Variants in TNIP1 observed in about 807,000 individuals in gnomAD.
The protein encoded by TNIP1 is TNFAIP3-interacting protein 1.
Under a neutral mutation model 86.6 loss-of-function variants are expected in TNIP1, and 22 were observed. The ratio of observed to expected loss-of-function variants is 0.25; its 90% confidence interval spans 0.18 to 0.36. The LOEUF (loss-of-function observed/expected upper bound fraction) is 0.36. Ranked by LOEUF, TNIP1 falls within the 10% of genes least tolerant of loss-of-function variation. The probability of loss-of-function intolerance (pLI) is 1.00; values close to 1 mark genes in which losing one functional copy is unlikely to be tolerated. For synonymous variants in TNIP1, 294 were observed against 313.0 expected, an observed-to-expected ratio of 0.94 and a Z score of 0.64; for missense variants, 709 against 820.6, an observed-to-expected ratio of 0.86 and a Z score of 1.66.
In TNIP1 at chr5:151,042,970, A is replaced by G. The variant is rs1007525437; in HGVS notation, c.937-9T>C. 1 of 1,614,114 alleles carries G rather than the reference A, an allele frequency of 6.2e-7. No homozygotes were observed. The highest frequency in any genetic ancestry group is 8.5e-7 in the Non-Finnish European group (1 of 1,179,986). ...TTGTTCACTTCCAGCAGCTGTGGGG[A>G]GAGACTGGAGTTAGCAGGAGATGAG... is the stretch of plus-strand genomic sequence containing the variant. On this transcript the variant is annotated splice_polypyrimidine_tract_variant and intron_variant, in intron 9 of 17. Coordinates refer to ENST00000521591, the MANE Select transcript of TNIP1 (RefSeq NM_006058.5).
intron 9 of TNIP1, among the ~76,000 whole-genome samples, chr5:151,043,775 T>TA (rs113496459): frequency 0.11 from 15,671 of 141,546 alleles, 1,212 homozygotes; most frequent in African/African-American, 0.23. Context: ...GACCCTATCT[T>TA]AAAAAAAAAA....
chr5:151,046,033 C>A, intron 8 of TNIP1, 83 bp from the exon 9 acceptor site: 1 of 1,356,086 alleles, frequency 7.4e-7, no homozygotes, highest in South Asian at 1.2e-5. Flanking sequence ...TAAGACCCCT[C>A]ACCCAAGTGG....
chr5:151,060,278 G>A, intron 5 of TNIP1, 40 bp downstream of exon 5: 1 of 1,606,874 alleles, frequency 6.2e-7, no homozygotes, highest in South Asian at 1.1e-5. Flanking sequence ...GACACAAAGA[G>A]GGCAGCAGGT....
intron 1 of TNIP1, among the ~76,000 whole-genome samples, chr5:151,079,265 T>A (rs10063243): frequency 0.082 from 12,523 of 152,164 alleles, 1,110 homozygotes; most frequent in African/African-American, 0.22. Context: ...GCGTTGCTAG[T>A]CTTGGGAAAG....
At chr5:151,052,305 T>G in intron 6 of TNIP1, 46 bp from the exon 7 acceptor site, 1 of 1,533,860 alleles carries the variant, frequency 6.5e-7, no homozygotes, top group Non-Finnish European at 8.9e-7. Context: ...GAGGGGCCCC[T>G]CCCAGGTGCA....
At chr5:151,058,067 T>C (rs1404576261) in intron 5 of TNIP1, among the ~76,000 whole-genome samples, 1 of 152,162 alleles carries the variant, frequency 6.6e-6, no homozygotes, top group African/African-American at 2.4e-5. Flanking sequence ...ATTACAGGTG[T>C]GCACCACTAC....
chr5:151,055,541 T>C lies in TNIP1; in HGVS notation c.627+1225A>G, dbSNP rs542673882. On this transcript the variant is annotated intron_variant, in intron 6 of 17. Coordinates refer to ENST00000521591, the MANE Select transcript of TNIP1 (RefSeq NM_006058.5). ...GGGTTCCCTTCTCTCAGCCTGGCTC[T>C]CCAGGCCTCTGCCTCTCGTTCAGCC... 3.9e-5 allele frequency among the ~76,000 whole-genome samples: 6 copies of C among 152,304 alleles called. No homozygotes were observed. In the East Asian group the frequency reaches 7.7e-4, roughly 20 times the overall value.
chr5:151,062,307 G>A (rs750741628), intron 3 of TNIP1, 95 bp from the exon 4 acceptor site: 3 of 1,153,014 alleles, frequency 2.6e-6, no homozygotes, highest in African/African-American at 3.1e-5. Context: ...AGGGTTCTCA[G>A]ACAGGATTCC....
At chr5:151,032,481 A>G (rs1757034752) in intron 16 of TNIP1, 98 bp from the exon 17 acceptor site, 1 of 1,211,736 alleles carries the variant, frequency 8.3e-7, no homozygotes, top group Admixed American at 2.2e-5. Flanking sequence ...TTAGTCAAGT[A>G]TAATTGAATC....
rs1423871136 is a variant in TNIP1, at chr5:151,067,923, A to G, written c.-36-2792T>C. 2.0e-5 allele frequency among the ~76,000 whole-genome samples: 3 copies of G among 152,188 alleles called. No individual in the cohort carries two copies. In the East Asian group the frequency reaches 5.8e-4, roughly 29 times the overall value. On this transcript the variant is annotated intron_variant, in intron 1 of 17. Coordinates refer to ENST00000521591, the MANE Select transcript of TNIP1 (RefSeq NM_006058.5). ...CTCAGAGAGGCCCAGATGTAAGGCGAAGGGACAAAGCAGGATGCAGGATGT... is the reference window on the plus strand; with the variant it reads ...CTCAGAGAGGCCCAGATGTAAGGCGGAGGGACAAAGCAGGATGCAGGATGT...
At chr5:151,042,476 T>C in intron 11 of TNIP1, 64 bp downstream of exon 11, 1 of 1,569,144 alleles carries the variant, frequency 6.4e-7, no homozygotes, top group East Asian at 2.3e-5. Context: ...GCTTGTTTGC[T>C]CCACAGAACT....
At chr5:151,076,110 CA>C (rs1465241776) in intron 1 of TNIP1, among the ~76,000 whole-genome samples, 2 of 152,202 alleles carry the variant, frequency 1.3e-5, no homozygotes, top group Non-Finnish European at 2.9e-5. Context: ...ACCAGTCATC[CA>C]TTCCAATCTG....
Position 151,052,271 on chromosome 5 carries a change from G to A in TNIP1, c.628-12C>T, listed in dbSNP as rs530917186. On this transcript the variant is annotated splice_polypyrimidine_tract_variant and intron_variant, in intron 6 of 17. Transcript: ENST00000521591. ...TGCTCACACAGGGTCTGTGGGGCAG[G>A]GGAACAGACAGGGTGAGGGAAAGGA... 5.0e-6 allele frequency: 8 copies of A among 1,611,048 alleles called. No individual in the cohort carries two copies. The highest frequency in any genetic ancestry group is 6.8e-6 in the Non-Finnish European group (8 of 1,178,298).
chr5:151,065,109 C>G lies in TNIP1; in HGVS notation c.-14G>C. ...TCTCCCTTCCATGAGGGTAGCTCAGCCCCTGCCGTGGTGCCCGCCTGGCTG... is the reference window on the plus strand; with the variant it reads ...TCTCCCTTCCATGAGGGTAGCTCAGGCCCTGCCGTGGTGCCCGCCTGGCTG... On this transcript the variant is annotated 5_prime_UTR_variant, in exon 2 of 18. Coordinates refer to ENST00000521591, the MANE Select transcript of TNIP1 (RefSeq NM_006058.5). 5.0e-6 allele frequency: 8 copies of G among 1,609,900 alleles called. No homozygotes were observed. Among genetic ancestry groups the G allele is most frequent in the Non-Finnish European group, 6.8e-6 (8 of 1,177,926 alleles).
intron 1 of TNIP1, among the ~76,000 whole-genome samples, chr5:151,079,399 G>A (rs1198952036): frequency 4.6e-5 from 7 of 152,158 alleles, no homozygotes; most frequent in African/African-American, 1.2e-4. Context: ...TGAGACGGGC[G>A]GATCACTTGA....
chr5:151,057,612 G>A (rs1162348898), intron 5 of TNIP1, among the ~76,000 whole-genome samples: 1 of 152,162 alleles, frequency 6.6e-6, no homozygotes. Context: ...AGCTACTTGG[G>A]AGGCTGAGGC....
At chr5:151,065,695 G>A (rs1347625272) in intron 1 of TNIP1, among the ~76,000 whole-genome samples, 1 of 152,150 alleles carries the variant, frequency 6.6e-6, no homozygotes, top group African/African-American at 2.4e-5. Flanking sequence ...TAAGGGATAA[G>A]CAAGTCAACC....
At chr5:151,042,774 A>G (rs1326523411) in intron 10 of TNIP1, 103 bp from the exon 11 acceptor site, 4 of 1,594,188 alleles carry the variant, frequency 2.5e-6, no homozygotes, top group East Asian at 2.2e-5. Context: ...ACTGCCCCCA[A>G]CTTCTCCTCT....
intron 9 of TNIP1, among the ~76,000 whole-genome samples, chr5:151,043,434 T>G (rs1758713100): frequency 6.6e-6 from 1 of 152,108 alleles, no homozygotes; most frequent in African/African-American, 2.4e-5. Flanking sequence ...GAAGATAGGT[T>G]AAAGAAACGA....
Sources: gnomAD v4.1 joint callset for allele counts (sites outside exome capture counted in the v4.1 genomes callset) on GRCh38, gnomAD v4.1.1 for gene constraint, MANE v1.5 for transcripts, NCBI Gene and HGNC (gene_info 2026-07-23, HGNC 2026-07-21) for gene names.